Variants in ST6GALNAC3 observed in about 807,000 individuals in gnomAD.
ST6GALNAC3 encodes the protein ST6 N-acetylgalactosaminide alpha-2,6-sialyltransferase 3.
Under a neutral mutation model 32.7 loss-of-function variants are expected in ST6GALNAC3, and 25 were observed. The ratio of observed to expected loss-of-function variants is 0.76; its 90% CI spans 0.56 to 1.07. The LOEUF (loss-of-function observed/expected upper bound fraction) is 1.07, where lower values mean the gene tolerates loss of function less well. ST6GALNAC3 is among the 50% of genes least tolerant of loss of function. ST6GALNAC3 has a pLI of 0.00. For synonymous variants in ST6GALNAC3, 129 were observed against 133.1 expected, an observed-to-expected ratio of 0.97 and a Z score of 0.21; for missense variants, 355 against 382.4, an observed-to-expected ratio of 0.93 and a Z score of 0.60.
chr1:76,344,652 G>A (rs1322889387), intron 2 of ST6GALNAC3, among the ~76,000 whole-genome samples: 1 of 152,100 alleles, frequency 6.6e-6, no homozygotes, highest in East Asian at 1.9e-4. Flanking sequence ...CCCTGGAGAG[G>A]GAGATATGGA....
At chr1:76,197,655 A>C (rs1443524025) in intron 1 of ST6GALNAC3, among the ~76,000 whole-genome samples, 2 of 152,154 alleles carry the variant, frequency 1.3e-5, no homozygotes, top group Non-Finnish European at 2.9e-5. Context: ...TGTCTTTGAG[A>C]AGAAGTTTAA....
At chr1:76,181,168 C>A (rs1288598685) in intron 1 of ST6GALNAC3, among the ~76,000 whole-genome samples, 2 of 152,220 alleles carry the variant, frequency 1.3e-5, no homozygotes, top group Non-Finnish European at 2.9e-5. Flanking sequence ...ACTGAACAGA[C>A]AAGCCAAACC....
At position 76,412,093 on chromosome 1, in the gene ST6GALNAC3, G is replaced by T. The variant is rs766239826; in HGVS notation, c.299G>T (p.Arg100Leu). 6.2e-6 allele frequency: 10 copies of T among 1,613,448 alleles called. No homozygotes were observed. Among genetic ancestry groups the T allele is most frequent in the Non-Finnish European group, 8.5e-6 (10 of 1,179,750 alleles). ...CAGAAGGTGGGAAATGAGATAGATC[G>T]ATCCTCCTGCATTTGGAGAATGAAC... is the stretch of plus-strand genomic sequence containing the variant. ...VGQKVGNEIDRSSCIWRMNNA... is the reference protein window; with the variant it reads ...VGQKVGNEIDLSSCIWRMNNA... Residue 100 changes from arginine to leucine, a missense_variant, in exon 3 of 5, where the codon CGA (arginine) becomes CTA (leucine). Physicochemically the swap from Arg to Leu is moderately radical, Grantham distance 102. Transcript: ENST00000328299.
At chr1:76,609,340 G>A (rs1018844659) in intron 3 of ST6GALNAC3, among the ~76,000 whole-genome samples, 3 of 151,872 alleles carry the variant, frequency 2.0e-5, no homozygotes, top group Admixed American at 6.6e-5. Context: ...AACATATATC[G>A]CTAGTATTTT....
In ST6GALNAC3 at chr1:76,597,374, T is replaced by C. The variant is rs536105753; in HGVS notation, c.624-30078T>C. Among the ~76,000 whole-genome samples, 18 of 152,228 alleles carry C rather than the reference T, an allele frequency of 1.2e-4. 1 individual carries two copies. The South Asian group carries it at 3.1e-3, about 26-fold the overall frequency. ...CTTGTTAGTGGGATCTACAGCCACC[T>C]ATAACTTAAGATTCTCCCCCACACA... On this transcript the variant is annotated intron_variant, in intron 3 of 4. Transcript: ENST00000328299.
At chr1:76,534,282 A>G (rs1468804591) in intron 3 of ST6GALNAC3, among the ~76,000 whole-genome samples, 1 of 151,998 alleles carries the variant, frequency 6.6e-6, no homozygotes, top group African/African-American at 2.4e-5. Flanking sequence ...ACTTCAAGTG[A>G]TCCACCCGCC....
chr1:76,338,142 C>T (rs1647658467), intron 2 of ST6GALNAC3, among the ~76,000 whole-genome samples: 1 of 152,098 alleles, frequency 6.6e-6, no homozygotes, highest in African/African-American at 2.4e-5. Context: ...GGGTGGACTG[C>T]TTTGCAAAGC....
intron 1 of ST6GALNAC3, among the ~76,000 whole-genome samples, chr1:76,305,035 C>G (rs1278234520): frequency 6.6e-6 from 1 of 152,074 alleles, no homozygotes. Context: ...TAGCACCTCC[C>G]TTTCCTCAAC....
rs576999833 is a variant in ST6GALNAC3, at chr1:76,088,444, A to G, written c.18+13560A>G. On this transcript the variant is annotated intron_variant, in intron 1 of 4. Coordinates refer to ENST00000328299, the MANE Select transcript of ST6GALNAC3 (RefSeq NM_152996.4). ...TCCTTTGAGGCTTTTTAAAAAATGTATTTGAAGAATTTCCAATCAGATCAA... is the reference window on the plus strand; with the variant it reads ...TCCTTTGAGGCTTTTTAAAAAATGTGTTTGAAGAATTTCCAATCAGATCAA... Among the ~76,000 whole-genome samples, 3 of 152,340 alleles carry G rather than the reference A, an allele frequency of 2.0e-5. No homozygotes were observed. In the East Asian group the frequency reaches 5.8e-4, roughly 29 times the overall value.
chr1:76,474,913 A>G (rs1412151783), intron 3 of ST6GALNAC3, among the ~76,000 whole-genome samples: 2 of 152,204 alleles, frequency 1.3e-5, no homozygotes, highest in African/African-American at 4.8e-5. Context: ...ACGCTCAACT[A>G]AAATTATCGT....
chr1:76,382,626 G>A (rs923649195), intron 2 of ST6GALNAC3, among the ~76,000 whole-genome samples: 3 of 152,198 alleles, frequency 2.0e-5, no homozygotes, highest in Non-Finnish European at 2.9e-5. Context: ...ACCACTTCTG[G>A]TGCTGGTCCC....
intron 1 of ST6GALNAC3, among the ~76,000 whole-genome samples, chr1:76,296,638 A>G (rs1570729847): frequency 6.6e-6 from 1 of 152,106 alleles, no homozygotes; most frequent in African/African-American, 2.4e-5. Context: ...ACGATGAACC[A>G]TGAATGTGTA....
At chr1:76,280,116 G>C (rs1440539170) in intron 1 of ST6GALNAC3, among the ~76,000 whole-genome samples, 1 of 151,350 alleles carries the variant, frequency 6.6e-6, no homozygotes, top group East Asian at 1.9e-4. Flanking sequence ...TTCTTTCTCT[G>C]CTTCACTTCA....
intron 2 of ST6GALNAC3, among the ~76,000 whole-genome samples, chr1:76,341,682 C>CTTTCTTTCCTTCT (rs1411767732): frequency 2.2e-4 from 8 of 36,050 alleles, no homozygotes; most frequent in Non-Finnish European, 4.4e-4. Context: ...TCTTTCTTTC[C>CTTTCTTTCCTTCT]TTCTTTCTTT....
intron 3 of ST6GALNAC3, among the ~76,000 whole-genome samples, chr1:76,612,243 T>A (rs1275147426): frequency 3.3e-5 from 5 of 152,180 alleles, no homozygotes; most frequent in Admixed American, 2.0e-4. Flanking sequence ...CACCATTTCA[T>A]TCCCCTCTGT....
intron 3 of ST6GALNAC3, among the ~76,000 whole-genome samples, chr1:76,537,188 T>C (rs1663665315): frequency 6.6e-6 from 1 of 152,096 alleles, no homozygotes; most frequent in African/African-American, 2.4e-5. Flanking sequence ...AGAAACTCAC[T>C]CAAAACCACA....
chr1:76,309,473 A>T (rs1341064081), intron 1 of ST6GALNAC3, among the ~76,000 whole-genome samples: 1 of 152,120 alleles, frequency 6.6e-6, no homozygotes. Flanking sequence ...AGCGATGTGT[A>T]GCCTTCTGTC....
At chr1:76,425,314 G>A (rs7529530) in intron 3 of ST6GALNAC3, among the ~76,000 whole-genome samples, 29,562 of 151,876 alleles carry the variant, frequency 0.19, 3,408 homozygotes, top group East Asian at 0.28. Context: ...TATTAGGAGC[G>A]TAACTAGCAG....
chr1:76,261,846 AC>A (rs1658257245), intron 1 of ST6GALNAC3, among the ~76,000 whole-genome samples: 1 of 152,110 alleles, frequency 6.6e-6, no homozygotes, highest in African/African-American at 2.4e-5. Flanking sequence ...GAAAACTACT[AC>A]TGTTCTGAGC....
Sources: gnomAD v4.1 joint callset for allele counts (sites outside exome capture counted in the v4.1 genomes callset) on GRCh38, gnomAD v4.1.1 for gene constraint, MANE v1.5 for transcripts, NCBI Gene and HGNC (gene_info 2026-07-23, HGNC 2026-07-21) for gene names.